The following CCR5AS variants were observed in gnomAD, a reference collection of about 807,000 sequenced individuals.
CCR5AS encodes CCR5 antisense RNA.
intron 2 of CCR5AS, among the ~76,000 whole-genome samples, chr3:46,380,619 T>C (rs1313396284): frequency 1.3e-5 from 2 of 152,220 alleles, no homozygotes; most frequent in Non-Finnish European, 2.9e-5. Context: ...GCGGCATGTT[T>C]TGATGGTGCT....
rs1183888777 is a variant in CCR5AS at position 46,373,763 on chromosome 3, G to T, written n.392-2346C>A. 2.4e-5 allele frequency: 39 copies of T among 1,613,670 alleles called. No homozygotes were observed. The highest frequency in any genetic ancestry group is 3.3e-5 in the Non-Finnish European group (39 of 1,179,644). ...TGCAGGTGACAGAGACTCTTGGGAT[G>T]ACGCACTGCTGCATCAACCCCATCA... On this transcript the variant is annotated intron_variant and non_coding_transcript_variant, in intron 2 of 3. Coordinates refer to ENST00000451485, the Ensembl canonical transcript of CCR5AS.
chr3:46,379,884 G>A (rs1701801630), intron 2 of CCR5AS, among the ~76,000 whole-genome samples: 1 of 149,272 alleles, frequency 6.7e-6, no homozygotes, highest in African/African-American at 2.5e-5. Context: ...GTGACAGAGT[G>A]AGACTCTGTC....
chr3:46,397,144 G>A (rs1575287504), intron 1 of CCR5AS, among the ~76,000 whole-genome samples: 1 of 151,946 alleles, frequency 6.6e-6, no homozygotes, highest in Non-Finnish European at 1.5e-5. Flanking sequence ...CCTACCCTGG[G>A]AATCCTTCCC....
intron 1 of CCR5AS, among the ~76,000 whole-genome samples, chr3:46,396,847 CCTT>C (rs1388701207): frequency 1.3e-5 from 2 of 152,236 alleles, no homozygotes; most frequent in Admixed American, 6.5e-5. Flanking sequence ...ATACAACTCT[CCTT>C]CTCAGAGAGC....
intron 2 of CCR5AS, chr3:46,376,341 T>C (rs1220354208): frequency 1.3e-5 from 2 of 152,264 alleles, no homozygotes; most frequent in Non-Finnish European, 2.9e-5. Context: ...AAGAGAGAGA[T>C]AATTGTATTT....
intron 2 of CCR5AS, among the ~76,000 whole-genome samples, chr3:46,379,011 T>TC (rs1305090342): frequency 6.6e-6 from 1 of 151,980 alleles, no homozygotes; most frequent in East Asian, 1.9e-4. Context: ...CTTTTTTTTT[T>TC]TTTTTTTACT....
At chr3:46,402,878 CT>C (rs1316599248) in intron 1 of CCR5AS, among the ~76,000 whole-genome samples, 2 of 152,170 alleles carry the variant, frequency 1.3e-5, no homozygotes, top group Non-Finnish European at 2.9e-5. Context: ...TTTTCTGCTC[CT>C]CTCCCTCCTC....
chr3:46,373,532 G>C (rs768338339), intron 2 of CCR5AS: 1 of 1,613,218 alleles, frequency 6.2e-7, no homozygotes, highest in South Asian at 1.1e-5. Context: ...TGCTTGTCAT[G>C]GTCATCTGCT....
At chr3:46,387,881 C>T (rs975623114) in intron 2 of CCR5AS, among the ~76,000 whole-genome samples, 17 of 151,604 alleles carry the variant, frequency 1.1e-4, no homozygotes, top group African/African-American at 2.4e-4. Context: ...CGGGTACAGG[C>T]GGGGGTCACA....
At chr3:46,383,946 A>G (rs1701835781) in intron 2 of CCR5AS, among the ~76,000 whole-genome samples, 1 of 152,214 alleles carries the variant, frequency 6.6e-6, no homozygotes, top group African/African-American at 2.4e-5. Context: ...GCAAAGTTTG[A>G]AAAGTACTGT....
At chr3:46,373,378 C>T (rs746300015) in intron 2 of CCR5AS, 136 of 1,612,102 alleles carry the variant, frequency 8.4e-5, no homozygotes, top group Middle Eastern at 4.9e-4. Flanking sequence ...GCTGTGTTTG[C>T]GTCTCTCCCA....
chr3:46,378,004 G>C (rs538901157), intron 2 of CCR5AS, among the ~76,000 whole-genome samples: 2 of 152,218 alleles, frequency 1.3e-5, no homozygotes, highest in South Asian at 2.1e-4. Flanking sequence ...CACTGTGCCC[G>C]GCCAACAAAT....
At chr3:46,390,531 A>G (rs1434311890) in intron 2 of CCR5AS, among the ~76,000 whole-genome samples, 2 of 152,080 alleles carry the variant, frequency 1.3e-5, no homozygotes, top group African/African-American at 2.4e-5. Flanking sequence ...TGAGCGGGGT[A>G]AGGGTGATTA....
intron 2 of CCR5AS, among the ~76,000 whole-genome samples, chr3:46,381,505 T>C (rs1436810431): frequency 6.6e-6 from 1 of 152,250 alleles, no homozygotes; most frequent in East Asian, 1.9e-4. Context: ...AGCAGATATC[T>C]GATAACTTAA....
In CCR5AS at chr3:46,380,802, G is replaced by A. The variant is rs145531341; in HGVS notation, n.392-9385C>T. Among the ~76,000 whole-genome samples, 140 of 152,318 alleles carry A rather than the reference G, an allele frequency of 9.2e-4. 1 individual carries two copies. The highest frequency in any genetic ancestry group is 3.2e-3 in the African/African-American group (131 of 41,558). ...ATCCAACCTCAAATAGTTCTGATTCGATCTGCCTGCATTGCTGCCCTGTGG... is the reference window on the plus strand; with the variant it reads ...ATCCAACCTCAAATAGTTCTGATTCAATCTGCCTGCATTGCTGCCCTGTGG... On this transcript the variant is annotated intron_variant and non_coding_transcript_variant, in intron 2 of 3. Coordinates refer to ENST00000451485, the Ensembl canonical transcript of CCR5AS.
chr3:46,377,753 T>C (rs1434611383), intron 2 of CCR5AS, among the ~76,000 whole-genome samples: 1 of 152,064 alleles, frequency 6.6e-6, no homozygotes, highest in Non-Finnish European at 1.5e-5. Context: ...TTGCCCAGGC[T>C]GGAGTGCAAT....
At chr3:46,373,344 A>G in intron 2 of CCR5AS, 1 of 1,614,124 alleles carries the variant, frequency 6.2e-7, no homozygotes, top group East Asian at 2.2e-5. Context: ...TGGGGTGGTG[A>G]CAAGTGTGAT....
At chr3:46,393,223 G>T (rs1444604537) in intron 1 of CCR5AS, among the ~76,000 whole-genome samples, 1 of 152,084 alleles carries the variant, frequency 6.6e-6, no homozygotes, top group African/African-American at 2.4e-5. Context: ...AATGTCACAA[G>T]GTCAATTGAT....
At chr3:46,366,882 G>A (rs867146599) in intron 3 of CCR5AS, among the ~76,000 whole-genome samples, 1 of 152,314 alleles carries the variant, frequency 6.6e-6, no homozygotes, top group Middle Eastern at 3.4e-3. Context: ...TGGCTCTAGG[G>A]ACAGGAAGAG....
Sources: allele counts gnomAD v4.1 joint callset (sites outside exome capture counted in the v4.1 genomes callset), GRCh38; gene constraint gnomAD v4.1.1; transcripts MANE v1.5; gene names NCBI Gene and HGNC (gene_info 2026-07-23, HGNC 2026-07-21).